The following EEF2K variants were observed in gnomAD, a reference collection of about 807,000 sequenced individuals.
The protein encoded by EEF2K is alternative protein EEF2K.
A neutral mutation model predicts 93.8 loss-of-function variants in EEF2K; 70 were observed. The ratio of observed to expected loss-of-function variants is 0.75; its 90% CI spans 0.62 to 0.91. EEF2K has a LOEUF of 0.91. Ranked by LOEUF, EEF2K falls within the 40% of genes least tolerant of loss-of-function variation. The pLI is 0.00. For synonymous variants in EEF2K, 376 were observed against 380.8 expected (o/e 0.99, Z 0.15); for missense variants, 935 against 972.9 (o/e 0.96, Z 0.52).
rs2047407151 is a variant in EEF2K, at chr16:22,256,894, GC to G, written c.766del (p.Gln256ArgfsTer15). The G allele has an allele frequency of 6.2e-7, 1 of 1,613,662 alleles. No homozygotes were observed. Among genetic ancestry groups the G allele is most frequent in the Non-Finnish European group, 8.5e-7 (1 of 1,179,984 alleles). The stretch of plus-strand genomic sequence containing the variant: ...GCGATGACAACATCCGCCTGACGCC[GC>G]AGGTGAGGCCGAGCTCACCTCCACC... ...VRDDNIRLTP[Q>X]AFSHFTFERS... On this transcript the variant is annotated frameshift_variant and splice_region_variant, in exon 7 of 18. Coordinates refer to ENST00000263026, the MANE Select transcript of EEF2K (RefSeq NM_013302.5). LOFTEE classifies it high-confidence loss of function.
chr16:22,223,262 G>GGT (rs900733922), intron 1 of EEF2K, among the ~76,000 whole-genome samples: 2 of 107,478 alleles, frequency 1.9e-5, no homozygotes, highest in African/African-American at 6.9e-5. Flanking sequence ...GTTTTTTTCT[G>GGT]TTTTTTTTTT....
chr16:22,256,627 G>C, intron 6 of EEF2K, 121 bp from the exon 7 acceptor site: 1 of 1,186,876 alleles, frequency 8.4e-7, no homozygotes, highest in Non-Finnish European at 1.1e-6. Flanking sequence ...TAGAGAGCTA[G>C]TAAGTCATGG....
rs1481946671 is a variant in EEF2K at position 22,225,798 on chromosome 16, T to A, written c.69T>A (p.His23Gln). 1 of 1,614,232 alleles carries A rather than the reference T, an allele frequency of 6.2e-7. No homozygotes were observed. The highest frequency in any genetic ancestry group is 8.5e-7 in the Non-Finnish European group (1 of 1,180,036). The change falls in exon 2 of 18, where the codon CAT becomes CAA. Residue 23 changes from histidine to glutamine, a missense_variant. Transcript: ENST00000263026. ...GCGGCCAGTCCCCCCGAGCTGGCCA[T>A]GATGGTGATTCTGATGGGGACAGCG... ...VDGGQSPRAGHDGDSDGDSDD... is the reference protein window; with the variant it reads ...VDGGQSPRAGQDGDSDGDSDD...
At chr16:22,224,186 G>C (rs1214222492) in intron 1 of EEF2K, among the ~76,000 whole-genome samples, 2 of 152,136 alleles carry the variant, frequency 1.3e-5, no homozygotes, top group Non-Finnish European at 2.9e-5. Flanking sequence ...CACAGAGCCA[G>C]ACTCTGTCTC....
Position 22,266,467 on chromosome 16 carries a change from G to A in EEF2K, c.1518G>A (p.Val506=). ...GGGCTTCGGCCGTGGCCCTGGAAGT[G>A]CAAAGGCTTAATGCTCTGGACCTCG... ...LPRASAVALE[V]QRLNALDLEK... The change falls in exon 14 of 18, where the codon GTG becomes GTA. Residue 506 remains valine (V), a synonymous_variant. Transcript: ENST00000263026. 1 of 1,614,230 alleles carries A rather than the reference G, an allele frequency of 6.2e-7. No individual in the cohort carries two copies. The highest frequency in any genetic ancestry group is 1.6e-4 in the Middle Eastern group (1 of 6,062).
At chr16:22,217,601 TGCCACCATGCCCC>T (rs2046971254) in intron 1 of EEF2K, among the ~76,000 whole-genome samples, 1 of 152,046 alleles carries the variant, frequency 6.6e-6, no homozygotes, top group Non-Finnish European at 1.5e-5. Context: ...TACCGGCTCG[TGCCACCATGCCCC>T]GCTAATTTTT....
At position 22,258,498 on chromosome 16, in the gene EEF2K, C is replaced by T. The variant is rs142158605; in HGVS notation, c.1034C>T (p.Ser345Leu). 2.5e-6 allele frequency: 4 copies of T among 1,613,814 alleles called. No homozygotes were observed. In the African/African-American group the frequency reaches 5.3e-5, roughly 22 times the overall value. ...TATCCCTATTAATGTCCCTAGCAAT[C>T]AGCCAAGACCATCTTGAGAGGAACA... is the stretch of plus-strand genomic sequence containing the variant. ...AVNQNTKLLQ[S>L]AKTILRGTEE... The change falls in exon 10 of 18, where the codon TCA becomes TTA. Residue 345 changes from serine to leucine, a missense_variant. Ser to Leu is a moderately radical substitution (Grantham distance 145, BLOSUM62 -2). Transcript: ENST00000263026.
intron 16 of EEF2K, 72 bp downstream of exon 16, chr16:22,273,822 G>T (rs1339498907): frequency 6.3e-7 from 1 of 1,577,672 alleles, no homozygotes; most frequent in African/African-American, 1.4e-5. Context: ...CTCGGTATCA[G>T]CACAGGCCTG....
intron 1 of EEF2K, among the ~76,000 whole-genome samples, chr16:22,225,168 G>C (rs185603658): frequency 6.6e-6 from 1 of 152,078 alleles, no homozygotes; most frequent in African/African-American, 2.4e-5. Context: ...ACAAAGGCTC[G>C]GAGGTCGGAA....
chr16:22,217,352 GTACCCCACC>G (rs1567258964), intron 1 of EEF2K, among the ~76,000 whole-genome samples: 1 of 151,912 alleles, frequency 6.6e-6, no homozygotes, highest in African/African-American at 2.4e-5. Flanking sequence ...GAGTTGAGCA[GTACCCCACC>G]TATATGATCA....
intron 1 of EEF2K, among the ~76,000 whole-genome samples, chr16:22,218,205 G>C (rs1482322734): frequency 6.6e-6 from 1 of 152,232 alleles, no homozygotes; most frequent in Non-Finnish European, 1.5e-5. Flanking sequence ...CACATGACTC[G>C]AGGGTGGGGC....
intron 11 of EEF2K, among the ~76,000 whole-genome samples, chr16:22,262,369 G>T (rs1194536134): frequency 6.6e-6 from 1 of 152,124 alleles, no homozygotes; most frequent in Non-Finnish European, 1.5e-5. Flanking sequence ...AATTAGCCAG[G>T]CGTGGTGGCA....
At chr16:22,282,091 C>A (rs2047698915) in intron 17 of EEF2K, among the ~76,000 whole-genome samples, 1 of 152,066 alleles carries the variant, frequency 6.6e-6, no homozygotes. Context: ...GTAAACCTCA[C>A]CTCTACAAAA....
At chr16:22,276,396 C>A (rs1006696734) in intron 16 of EEF2K, among the ~76,000 whole-genome samples, 1 of 152,080 alleles carries the variant, frequency 6.6e-6, no homozygotes, top group Non-Finnish European at 1.5e-5. Context: ...AAAAGTATTT[C>A]TTTATTGCTT....
At chr16:22,278,028 G>T (rs1489760651) in intron 16 of EEF2K, among the ~76,000 whole-genome samples, 1 of 151,986 alleles carries the variant, frequency 6.6e-6, no homozygotes, top group African/African-American at 2.4e-5. Flanking sequence ...AACCTGGTAA[G>T]AGTGTGTCTC....
chr16:22,284,201 G>T lies in EEF2K; in HGVS notation c.*205G>T. 1 of 550,012 alleles carries T rather than the reference G, an allele frequency of 1.8e-6. No homozygotes were observed. 34.1% of individuals were successfully genotyped at this position (550,012 alleles called of 1,614,324 possible). On this transcript the variant is annotated 3_prime_UTR_variant, in exon 18 of 18. Coordinates refer to ENST00000263026, the MANE Select transcript of EEF2K (RefSeq NM_013302.5). ...GCAGAGACTCTATAGCTGTCTCTTA[G>T]GGCAGTATTTTGGGGAAGTGGGGCT... is the stretch of plus-strand genomic sequence containing the variant.
rs760163897 is a variant in EEF2K at position 22,266,855 on chromosome 16, C to T, written c.1743C>T (p.Ile581=). 1.9e-6 allele frequency: 3 copies of T among 1,611,852 alleles called. No homozygotes were observed. In the Admixed American group the frequency reaches 5.0e-5, roughly 27 times the overall value. Residue 581 remains isoleucine (I), a synonymous_variant, in exon 15 of 18, where the codon ATC becomes ATT. Coordinates refer to ENST00000263026, the MANE Select transcript of EEF2K (RefSeq NM_013302.5). ...GLMYSQLPHH[I]LADVSLKETE... Reference sequence around the variant, plus strand: ...TGTACTCGCAGTTGCCTCATCACATCCTAGCCGATGTCTCTCTGAAGGTGA... The same window carrying T: ...TGTACTCGCAGTTGCCTCATCACATTCTAGCCGATGTCTCTCTGAAGGTGA...
intron 2 of EEF2K, among the ~76,000 whole-genome samples, chr16:22,226,616 A>G (rs1416693526): frequency 6.7e-6 from 1 of 149,802 alleles, no homozygotes; most frequent in East Asian, 2.0e-4. Context: ...CCTAGGCTCA[A>G]GCAAGCCTCC....
At chr16:22,247,710 G>A (rs2047309430) in intron 3 of EEF2K, among the ~76,000 whole-genome samples, 1 of 152,136 alleles carries the variant, frequency 6.6e-6, no homozygotes, top group Non-Finnish European at 1.5e-5. Context: ...AATCGGATTG[G>A]TTCTTCTGTA....
Sources: allele counts gnomAD v4.1 joint callset (sites outside exome capture counted in the v4.1 genomes callset), GRCh38; gene constraint gnomAD v4.1.1; transcripts MANE v1.5; gene names NCBI Gene and HGNC (gene_info 2026-07-23, HGNC 2026-07-21).